Variants in ANKRD18B observed in about 807,000 individuals in gnomAD.
ANKRD18B encodes the protein ankyrin repeat domain 18B.
Under a neutral mutation model 111.8 loss-of-function variants are expected in ANKRD18B, and 75 were observed. That is an observed-to-expected ratio of 0.67 (90% CI 0.56 to 0.81). ANKRD18B has a LOEUF of 0.81. ANKRD18B is among the 40% of genes least tolerant of loss of function. The pLI is 0.00. For synonymous variants in ANKRD18B, 356 were observed against 417.3 expected (o/e 0.85, Z 1.79); for missense variants, 1,038 against 1,225.5 (o/e 0.85, Z 2.28).
intron 17 of ANKRD18B, among the ~76,000 whole-genome samples, chr9:33,569,965 A>G (rs562900525): frequency 9.2e-5 from 14 of 152,336 alleles, no homozygotes; most frequent in Admixed American, 5.2e-4. Flanking sequence ...CTAAAGGAAA[A>G]TAAATCATTG....
rs1267174375 is a variant in ANKRD18B, at chr9:33,572,853, T to C, written c.*419T>C. ...TGGAGATACTTTGAAGCTCTGTAAA[T>C]ATCTGGTTACTCCTCAAAACCCACT... On this transcript the variant is annotated 3_prime_UTR_variant, in exon 19 of 19. Coordinates refer to ENST00000684830, the MANE Select transcript of ANKRD18B (RefSeq NM_001393611.1). 3.3e-6 allele frequency: 2 copies of C among 600,884 alleles called. No individual in the cohort carries two copies. Among genetic ancestry groups the C allele is most frequent in the Non-Finnish European group, 4.2e-6 (2 of 475,720 alleles). The allele number at this position is 600,884 out of a possible 1,614,324, so 37.2% of individuals were successfully genotyped here.
chr9:33,543,405 T>C (rs927750158), intron 10 of ANKRD18B, 150 bp downstream of exon 10: 2 of 700,410 alleles, frequency 2.9e-6, no homozygotes, highest in Non-Finnish European at 4.4e-6. Context: ...TATTTTAGCC[T>C]GTTATAAAAT....
At chr9:33,540,769 T>C (rs556637446) in intron 8 of ANKRD18B, among the ~76,000 whole-genome samples, 13 of 152,252 alleles carry the variant, frequency 8.5e-5, no homozygotes, top group Admixed American at 3.3e-4. Context: ...CTGTCGTAGC[T>C]ACTCAACCCT....
intron 11 of ANKRD18B, among the ~76,000 whole-genome samples, chr9:33,549,880 C>T (rs1221938747): frequency 6.6e-6 from 1 of 152,118 alleles, no homozygotes; most frequent in Non-Finnish European, 1.5e-5. Context: ...CATTTTAAGT[C>T]TCAATGACTA....
intron 14 of ANKRD18B, among the ~76,000 whole-genome samples, chr9:33,559,632 T>A (rs1277712234): frequency 1.3e-5 from 2 of 152,032 alleles, no homozygotes; most frequent in Non-Finnish European, 2.9e-5. Context: ...TTTACAGACT[T>A]GATACTAATA....
At chr9:33,571,952 G>C (rs968969482) in intron 18 of ANKRD18B, 10 of 187,522 alleles carry the variant, frequency 5.3e-5, no homozygotes, top group Non-Finnish European at 7.7e-5. Flanking sequence ...GTGCCCCGCT[G>C]TATACCTGTC....
chr9:33,529,265 T>C (rs7046297), intron 3 of ANKRD18B, 92 bp downstream of exon 3: 167,696 of 1,428,892 alleles, frequency 0.12, 11,198 homozygotes, highest in African/African-American at 0.25. Context: ...CAAGTATTCC[T>C]GAATGAAAAT....
chr9:33,524,537 G>C lies in ANKRD18B; in HGVS notation c.48G>C (p.Leu16=). The C allele has an allele frequency of 6.4e-7, 1 of 1,551,358 alleles. No individual in the cohort carries two copies. The highest frequency in any genetic ancestry group is 8.7e-7 in the Non-Finnish European group (1 of 1,146,796). Residue 16 remains leucine (L), a synonymous_variant, in exon 1 of 19, where the codon CTG becomes CTC. Transcript: ENST00000684830. The part of the protein sequence containing the change: ...SFGRRLGQAL[L]SSMDQEYAGR... The stretch of plus-strand genomic sequence containing the variant: ...GGAGACGCCTGGGCCAGGCGCTCCT[G>C]AGCTCCATGGACCAAGAGTATGCGG...
At chr9:33,543,040 A>T in intron 9 of ANKRD18B, 145 bp from the exon 10 acceptor site, 1 of 844,394 alleles carries the variant, frequency 1.2e-6, no homozygotes, top group South Asian at 2.0e-5. Flanking sequence ...ATGTTTCTTA[A>T]AAATGTAAAT....
intron 10 of ANKRD18B, among the ~76,000 whole-genome samples, chr9:33,545,246 C>T (rs1828336989): frequency 6.6e-6 from 1 of 152,012 alleles, no homozygotes; most frequent in Non-Finnish European, 1.5e-5. Context: ...TGTAATGATA[C>T]AGAAATTGAA....
At position 33,535,346 on chromosome 9, in the gene ANKRD18B, C is replaced by T. The variant is rs192964848; in HGVS notation, c.740+839C>T. On this transcript the variant is annotated intron_variant, in intron 5 of 18. Coordinates refer to ENST00000684830, the MANE Select transcript of ANKRD18B (RefSeq NM_001393611.1). ...AGTCGCCCAGGCTGGAGTGCAGTGG[C>T]GCAATCTCGGCTCACTGCAAGCTCC... Among the ~76,000 whole-genome samples the T allele has an allele frequency of 1.9e-3, 286 of 152,066 alleles. 2 individuals are homozygous for T. The highest frequency in any genetic ancestry group is 6.5e-3 in the African/African-American group (271 of 41,486).
chr9:33,547,501 T>C (rs1828373957), intron 10 of ANKRD18B, among the ~76,000 whole-genome samples: 1 of 152,148 alleles, frequency 6.6e-6, no homozygotes, highest in African/African-American at 2.4e-5. Flanking sequence ...TCTGTCCAAA[T>C]AGATGTGGAG....
At position 33,524,707 on chromosome 9, in the gene ANKRD18B, T is replaced by C. The variant is rs374537101; in HGVS notation, c.206+12T>C. On this transcript the variant is annotated intron_variant, in intron 1 of 18. Coordinates refer to ENST00000684830, the MANE Select transcript of ANKRD18B (RefSeq NM_001393611.1). Reference sequence around the variant, plus strand: ...GACAGAAAAGACAGGTAGCGGGGGCTCAGCCCTCGGTGGGAGGGGGCCCCC... The same window carrying C: ...GACAGAAAAGACAGGTAGCGGGGGCCCAGCCCTCGGTGGGAGGGGGCCCCC... 1 of 1,547,322 alleles carries C rather than the reference T, an allele frequency of 6.5e-7. No individual in the cohort carries two copies. Among genetic ancestry groups the C allele is most frequent in the East Asian group, 2.5e-5 (1 of 40,718 alleles).
chr9:33,547,554 A>G (rs1045404490), intron 10 of ANKRD18B, among the ~76,000 whole-genome samples: 2 of 152,086 alleles, frequency 1.3e-5, no homozygotes, highest in African/African-American at 4.8e-5. Flanking sequence ...TAGATATCAG[A>G]GTATAAATGC....
intron 1 of ANKRD18B, among the ~76,000 whole-genome samples, chr9:33,528,217 T>A (rs542285731): frequency 6.6e-6 from 1 of 152,208 alleles, no homozygotes; most frequent in South Asian, 2.1e-4. Context: ...AGGAGGTTTG[T>A]TTGAGCCTAC....
At chr9:33,565,280 A>T (rs1176483149) in intron 14 of ANKRD18B, among the ~76,000 whole-genome samples, 1 of 152,148 alleles carries the variant, frequency 6.6e-6, no homozygotes, top group African/African-American at 2.4e-5. Flanking sequence ...CCTTTCCCCA[A>T]TGTATGTTCT....
chr9:33,525,043 T>C (rs10813995), intron 1 of ANKRD18B, among the ~76,000 whole-genome samples: 4 of 152,062 alleles, frequency 2.6e-5, no homozygotes, highest in Non-Finnish European at 5.9e-5. Flanking sequence ...CAAATCCACC[T>C]AGGTAGATAG....
At chr9:33,568,547 G>A in intron 16 of ANKRD18B, 124 bp from the exon 17 acceptor site, 1 of 798,170 alleles carries the variant, frequency 1.3e-6, no homozygotes, top group Non-Finnish European at 1.9e-6. Flanking sequence ...ACATCTTCGT[G>A]TGAAAACACT....
chr9:33,551,062 A>G (rs929880756), intron 12 of ANKRD18B, among the ~76,000 whole-genome samples: 11 of 152,182 alleles, frequency 7.2e-5, no homozygotes, highest in Non-Finnish European at 1.2e-4. Flanking sequence ...TGAAATGCAC[A>G]TGTTTTAGGT....
Sources: allele counts gnomAD v4.1 joint callset (sites outside exome capture counted in the v4.1 genomes callset), GRCh38; gene constraint gnomAD v4.1.1; transcripts MANE v1.5; gene names NCBI Gene and HGNC (gene_info 2026-07-23, HGNC 2026-07-21).